CUX2: variants seen among roughly 807,000 people sequenced by gnomAD.
The protein encoded by CUX2 is homeobox protein cut-like 2.
CUX2 carries 40 observed loss-of-function variants against 144.8 expected under a neutral mutation model. The observed-to-expected ratio is 0.28, with a 90% CI of 0.21 to 0.36. The LOEUF is 0.36. Ranked by LOEUF, CUX2 falls within the 10% of genes least tolerant of loss-of-function variation. The pLI, the probability that CUX2 is intolerant of heterozygous loss-of-function variation, is 1.00. For missense variants in CUX2, 1,615 were observed against 1,994.0 expected (o/e 0.81, Z 3.62); for synonymous variants, 827 against 875.6 (o/e 0.94, Z 0.98).
chr12:111,138,409 A>G (rs1876071045), intron 1 of CUX2, among the ~76,000 whole-genome samples: 1 of 152,116 alleles, frequency 6.6e-6, no homozygotes. Context: ...AGGGGAAAAC[A>G]TCAGAGAGGC....
At chr12:111,336,459 T>TGTGTGTGTGTG (rs199709412) in intron 19 of CUX2, among the ~76,000 whole-genome samples, 4 of 146,526 alleles carry the variant, frequency 2.7e-5, no homozygotes, top group Middle Eastern at 3.2e-3. Flanking sequence ...TGTGTGTGTG[T>TGTGTGTGTGTG]TTAAGATGGA....
At chr12:111,206,532 C>T (rs1213050906) in intron 1 of CUX2, among the ~76,000 whole-genome samples, 3 of 152,164 alleles carry the variant, frequency 2.0e-5, no homozygotes, top group Non-Finnish European at 4.4e-5. Flanking sequence ...TAGTGTATGT[C>T]GGCACATAGT....
Position 111,298,719 on chromosome 12 carries a change from C to G in CUX2, c.753+130C>G, listed in dbSNP as rs1424394912. 7.8e-6 allele frequency: 8 copies of G among 1,024,494 alleles called. No homozygotes were observed. In the Admixed American group the frequency reaches 1.7e-4, roughly 22 times the overall value. 63.5% of individuals were successfully genotyped at this position (1,024,494 alleles called of 1,614,324 possible). On this transcript the variant is annotated intron_variant, in intron 9 of 21. Coordinates refer to ENST00000261726, the MANE Select transcript of CUX2 (RefSeq NM_015267.4). ...ATTCAACTGTGGGTCTTGTGCATGC[C>G]AAGTGAGGGAGCCAGGAGGAGTCTG...
At position 111,307,643 on chromosome 12, in the gene CUX2, G is replaced by C. The variant is rs543497212; in HGVS notation, c.1109+386G>C. 5.3e-4 allele frequency among the ~76,000 whole-genome samples: 80 copies of C among 152,332 alleles called. No homozygotes were observed. The highest frequency in any genetic ancestry group is 2.7e-3 in the South Asian group (13 of 4,830). The stretch of plus-strand genomic sequence containing the variant: ...GCCTGAGAGGTCAAGGCTGCAGTGA[G>C]CTGTGGTGGCACCACTGCACTCCAG... On this transcript the variant is annotated intron_variant, in intron 12 of 21. Coordinates refer to ENST00000261726, the MANE Select transcript of CUX2 (RefSeq NM_015267.4). The surrounding 1 kb of genome is among the most constrained non-coding windows in gnomAD (Gnocchi z 4.1).
At chr12:111,268,663 C>T (rs1406190035) in intron 4 of CUX2, among the ~76,000 whole-genome samples, 2 of 152,276 alleles carry the variant, frequency 1.3e-5, no homozygotes, top group Non-Finnish European at 2.9e-5. Flanking sequence ...GTGTCTGCAG[C>T]TGGGGTCATT....
Position 111,164,791 on chromosome 12 carries a change from C to T in CUX2, c.64-49409C>T, listed in dbSNP as rs530340234. ...TGTGAATGTTGGGGATTCACATCCT[C>T]ACTGCTAACAGTGTGATGTTACAGT... On this transcript the variant is annotated intron_variant, in intron 1 of 21. Coordinates refer to ENST00000261726, the MANE Select transcript of CUX2 (RefSeq NM_015267.4). Among the ~76,000 whole-genome samples the T allele has an allele frequency of 3.3e-5, 5 of 152,180 alleles. No homozygotes were observed. The South Asian group carries it at 1.0e-3, about 32-fold the overall frequency.
chr12:111,307,708 G>A lies in CUX2; in HGVS notation c.1109+451G>A, dbSNP rs565001638. Among the ~76,000 whole-genome samples, 14 of 152,184 alleles carry A rather than the reference G, an allele frequency of 9.2e-5. No individual in the cohort carries two copies. Among genetic ancestry groups the A allele is most frequent in the Middle Eastern group, 3.4e-3 (1 of 292 alleles). On this transcript the variant is annotated intron_variant, in intron 12 of 21. Coordinates refer to ENST00000261726, the MANE Select transcript of CUX2 (RefSeq NM_015267.4). The surrounding 1 kb of genome is among the most constrained non-coding windows in gnomAD (Gnocchi z 4.1). ...TGAGACCCTGTCTCAAAAACAAAAC[G>A]AAATTCAACCATCTTCAGTCCTTTT...
chr12:111,339,526 T>C (rs983753563), intron 20 of CUX2: 8 of 152,194 alleles, frequency 5.3e-5, no homozygotes, highest in Non-Finnish European at 8.8e-5. Flanking sequence ...AAGCTGGCAT[T>C]GTCTACAGCC....
At position 111,293,695 on chromosome 12, in the gene CUX2, A is replaced by G. The variant is rs1018148691; in HGVS notation, c.560+126A>G. Reference sequence around the variant, plus strand: ...CAGATGCAGGCTGGAGACCGAGATGAGAAAGGGCCGAGGGCTTTGGACTCC... The same window carrying G: ...CAGATGCAGGCTGGAGACCGAGATGGGAAAGGGCCGAGGGCTTTGGACTCC... On this transcript the variant is annotated intron_variant, in intron 6 of 21. Coordinates refer to ENST00000261726, the MANE Select transcript of CUX2 (RefSeq NM_015267.4). This position sits in a 1 kb window ranked among gnomAD's most constrained non-coding sequence, Gnocchi z 4.5. The G allele has an allele frequency of 8.1e-6, 11 of 1,353,994 alleles. No individual in the cohort carries two copies. Among genetic ancestry groups the G allele is most frequent in the Non-Finnish European group, 1.1e-5 (11 of 1,007,826 alleles). 83.9% of individuals were successfully genotyped at this position (1,353,994 alleles called of 1,614,324 possible).
intron 1 of CUX2, among the ~76,000 whole-genome samples, chr12:111,201,507 CCCCACGTG>C (rs1233562699): frequency 1.3e-5 from 2 of 152,226 alleles, no homozygotes; most frequent in African/African-American, 2.4e-5. Context: ...TTCCCCCAGG[CCCCACGTG>C]CCCTTAGGCG....
rs144604086 is a variant in CUX2 at position 111,061,086 on chromosome 12, G to T, written c.63+26846G>T. ...GCTTCCTTGGGGCTGTTCATGGGAG[G>T]CCTCCCCTCATGGCTGTGGCCCTGC... On this transcript the variant is annotated intron_variant, in intron 1 of 21. Transcript: ENST00000261726. The surrounding 1 kb of genome is among the most constrained non-coding windows in gnomAD (Gnocchi z 4.2). 4.9e-4 allele frequency among the ~76,000 whole-genome samples: 74 copies of T among 152,110 alleles called. No individual in the cohort carries two copies. The highest frequency in any genetic ancestry group is 1.6e-3 in the African/African-American group (68 of 41,436).
In CUX2 at chr12:111,348,132, C is replaced by A; in HGVS notation, c.4268C>A (p.Ser1423Tyr). Residue 1423 changes from serine to tyrosine, a missense_variant, in exon 22 of 22, where the codon TCC (serine) becomes TAC (tyrosine). Physicochemically the swap from Ser to Tyr is moderately radical, Grantham distance 144. Transcript: ENST00000261726. ...VPSSSAPISP[S>Y]PPGAPPAKVP... ...TCCTCCTCAGCTCCCATCTCCCCAT[C>A]CCCACCTGGCGCCCCCCCTGCCAAA... is the stretch of plus-strand genomic sequence containing the variant. 3.1e-6 allele frequency: 5 copies of A among 1,614,124 alleles called. No homozygotes were observed. The highest frequency in any genetic ancestry group is 3.4e-6 in the Non-Finnish European group (4 of 1,179,994).
intron 1 of CUX2, among the ~76,000 whole-genome samples, chr12:111,169,827 C>T (rs1311927469): frequency 2.0e-5 from 3 of 152,134 alleles, no homozygotes; most frequent in Non-Finnish European, 4.4e-5. Context: ...TTATTAGAGT[C>T]GATTACACAC....
rs1301807856 is a variant in CUX2 at position 111,347,980 on chromosome 12, A to T, written c.4116A>T (p.Arg1372=). 1.2e-6 allele frequency: 2 copies of T among 1,613,876 alleles called. No individual in the cohort carries two copies. Among genetic ancestry groups the T allele is most frequent in the Non-Finnish European group, 1.7e-6 (2 of 1,180,000 alleles). Residue 1372 remains arginine (R), a synonymous_variant, in exon 22 of 22, where the codon CGA becomes CGT. Coordinates refer to ENST00000261726, the MANE Select transcript of CUX2 (RefSeq NM_015267.4). Reference sequence around the variant, plus strand: ...AACAGGAGAGTGAGGCCGGGGAGCGACTTCACCCGGACCCTTTAAGTTTTA... The same window carrying T: ...AACAGGAGAGTGAGGCCGGGGAGCGTCTTCACCCGGACCCTTTAAGTTTTA... ...HPQQESEAGE[R]LHPDPLSFKS... is the part of the protein sequence containing the mutation.
intron 3 of CUX2, among the ~76,000 whole-genome samples, chr12:111,230,322 G>A (rs560024797): frequency 3.9e-5 from 6 of 152,124 alleles, no homozygotes. Flanking sequence ...GGCTGCCTGT[G>A]TGCTGCCTAC....
chr12:111,342,199 C>A, intron 21 of CUX2, 146 bp downstream of exon 21: 1 of 964,202 alleles, frequency 1.0e-6, no homozygotes, highest in East Asian at 2.6e-5. Flanking sequence ...AACACAGGCC[C>A]AAGTGCAGTG....
At chr12:111,089,983 C>T (rs971150068) in intron 1 of CUX2, among the ~76,000 whole-genome samples, 2 of 152,038 alleles carry the variant, frequency 1.3e-5, no homozygotes, top group African/African-American at 4.8e-5. Flanking sequence ...TGCAGGTGGG[C>T]TTAATGTGAG....
intron 1 of CUX2, among the ~76,000 whole-genome samples, chr12:111,209,074 G>A (rs956315227): frequency 6.6e-6 from 1 of 152,208 alleles, no homozygotes; most frequent in Non-Finnish European, 1.5e-5. Context: ...GTACTGACAA[G>A]GAGAGAGTAC....
rs1198355504 is a variant in CUX2 at position 111,320,747 on chromosome 12, G to A, written c.2738G>A (p.Gly913Asp). The change falls in exon 17 of 22, where the codon GGC becomes GAC. Residue 913 changes from glycine (G) to aspartate (D), a missense_variant. Around this residue, in one of 12 missense-constraint regions of CUX2, gnomAD observed 390 missense variants for 387.1 expected, o/e 1.01. Transcript: ENST00000261726. The surrounding 1 kb of genome is among the most constrained non-coding windows in gnomAD (Gnocchi z 8.1). Reference sequence around the variant, plus strand: ...GTCAAGGAGAAGCTGGCCAAGAACGGCATCTGCCAGAGGATCTTCGGGGAG... The same window carrying A: ...GTCAAGGAGAAGCTGGCCAAGAACGACATCTGCCAGAGGATCTTCGGGGAG... ...RQVKEKLAKN[G>D]ICQRIFGEKV... 6.3e-7 allele frequency: 1 copy of A among 1,578,124 alleles called. No individual in the cohort carries two copies. The highest frequency in any genetic ancestry group is 8.6e-7 in the Non-Finnish European group (1 of 1,168,850).
Sources: allele counts gnomAD v4.1 joint callset (sites outside exome capture counted in the v4.1 genomes callset), GRCh38; gene constraint gnomAD v4.1.1; regional missense constraint gnomAD v4.1.1; non-coding constraint Gnocchi (gnomAD v3.1); transcripts MANE v1.5; gene names NCBI Gene and HGNC (gene_info 2026-07-23, HGNC 2026-07-21).